KCNQ3: variants seen among roughly 807,000 people sequenced by gnomAD.
KCNQ3 encodes the protein potassium voltage-gated channel subfamily Q member 3.
A neutral mutation model predicts 92.5 loss-of-function variants in KCNQ3; 30 were observed. The observed-to-expected ratio is 0.32, with a 90% CI of 0.24 to 0.44. The LOEUF (loss-of-function observed/expected upper bound fraction) is 0.44, where lower values mean the gene tolerates loss of function less well. Ranked by LOEUF, KCNQ3 falls within the 20% of genes least tolerant of loss-of-function variation. KCNQ3 has a pLI of 1.00. For synonymous variants in KCNQ3, 450 were observed against 468.8 expected (o/e 0.96, Z 0.52); for missense variants, 913 against 1,140.3 (o/e 0.80, Z 2.87).
At chr8:132,212,752 G>A (rs62519646) in intron 1 of KCNQ3, among the ~76,000 whole-genome samples, 4,900 of 152,224 alleles carry the variant, frequency 0.032, 137 homozygotes, top group Non-Finnish European at 0.048. Context: ...CATCTTCCCC[G>A]CCTCACTCTG....
chr8:132,228,445 C>T (rs760846808), intron 1 of KCNQ3, among the ~76,000 whole-genome samples: 22 of 151,636 alleles, frequency 1.5e-4, no homozygotes, highest in African/African-American at 1.9e-4. Flanking sequence ...TACCTAATTG[C>T]GAAAGAAACA....
At chr8:132,157,032 C>T (rs554369918) in intron 9 of KCNQ3, among the ~76,000 whole-genome samples, 3 of 152,274 alleles carry the variant, frequency 2.0e-5, no homozygotes, top group African/African-American at 7.2e-5. Flanking sequence ...TTGGAGGGAG[C>T]ATGGGCAGGC....
intron 1 of KCNQ3, among the ~76,000 whole-genome samples, chr8:132,448,078 C>T (rs1042102169): frequency 3.3e-5 from 5 of 152,140 alleles, no homozygotes; most frequent in Non-Finnish European, 2.9e-5. Flanking sequence ...GCTCAATAAA[C>T]GTTCCTTCCT....
At chr8:132,464,179 C>T (rs182664980) in intron 1 of KCNQ3, among the ~76,000 whole-genome samples, 130 of 152,260 alleles carry the variant, frequency 8.5e-4, no homozygotes, top group Non-Finnish European at 1.5e-3. Flanking sequence ...TACTATACGC[C>T]CATAAGACTG....
intron 1 of KCNQ3, among the ~76,000 whole-genome samples, chr8:132,227,988 TAAAA>T (rs774939169): frequency 1.4e-5 from 2 of 146,218 alleles, no homozygotes; most frequent in African/African-American, 2.5e-5. Context: ...AAACAGAAGT[TAAAA>T]AAAAAAACCC....
At chr8:132,164,642 G>T (rs1197490671) in intron 8 of KCNQ3, among the ~76,000 whole-genome samples, 1 of 152,152 alleles carries the variant, frequency 6.6e-6, no homozygotes, top group Non-Finnish European at 1.5e-5. Context: ...AGAAAGCTGT[G>T]ACTCTCTAGG....
chr8:132,262,116 A>C (rs966966499), intron 1 of KCNQ3, among the ~76,000 whole-genome samples: 1 of 152,196 alleles, frequency 6.6e-6, no homozygotes, highest in Non-Finnish European at 1.5e-5. Flanking sequence ...CAAATGGACA[A>C]TTTCATCATA....
chr8:132,314,451 A>G (rs1817682361), intron 1 of KCNQ3, among the ~76,000 whole-genome samples: 3 of 152,332 alleles, frequency 2.0e-5, no homozygotes, highest in Middle Eastern at 3.4e-3. Context: ...GATTTTGGTG[A>G]AGACATGGGG....
chr8:132,280,844 G>A lies in KCNQ3; in HGVS notation c.387-94663C>T, dbSNP rs946368625. ...TTTGCGATGTAGTTGCATTTGTCAC[G>A]TAGTTGGCAGAGAACATGGTAGGAA... On this transcript the variant is annotated intron_variant, in intron 1 of 14. Coordinates refer to ENST00000388996, the MANE Select transcript of KCNQ3 (RefSeq NM_004519.4). Among the ~76,000 whole-genome samples the A allele has an allele frequency of 2.0e-5, 3 of 152,322 alleles. No homozygotes were observed. In the East Asian group the frequency reaches 5.8e-4, roughly 29 times the overall value.
intron 1 of KCNQ3, among the ~76,000 whole-genome samples, chr8:132,190,010 C>CATCA (rs1240022563): frequency 6.6e-6 from 1 of 151,554 alleles, no homozygotes. Flanking sequence ...CAATGCAAGC[C>CATCA]ATCAACCACA....
At chr8:132,353,201 G>A (rs1818924369) in intron 1 of KCNQ3, among the ~76,000 whole-genome samples, 1 of 151,652 alleles carries the variant, frequency 6.6e-6, no homozygotes, top group African/African-American at 2.4e-5. Flanking sequence ...ACTCCAGCCT[G>A]GGCAACAAGA....
chr8:132,451,486 A>G (rs1267384464), intron 1 of KCNQ3, among the ~76,000 whole-genome samples: 1 of 152,206 alleles, frequency 6.6e-6, no homozygotes, highest in Non-Finnish European at 1.5e-5. Context: ...CACACTGCAC[A>G]TTCTATTTGT....
rs976030741 is a variant in KCNQ3, at chr8:132,123,879, C to T, written c.*5383G>A. The T allele has an allele frequency of 6.6e-6, 1 of 152,198 alleles. No homozygotes were observed. The highest frequency in any genetic ancestry group is 1.5e-5 in the Non-Finnish European group (1 of 68,030). 9.4% of individuals were successfully genotyped at this position (152,198 alleles called of 1,614,324 possible). On this transcript the variant is annotated 3_prime_UTR_variant, in exon 15 of 15. Coordinates refer to ENST00000388996, the MANE Select transcript of KCNQ3 (RefSeq NM_004519.4). ...TTGCTGAGGTTAAAGCCGTGAAAGC[C>T]TGGGAACAAATCTCCCCAGGGAAGG...
At chr8:132,285,874 T>C (rs1212988054) in intron 1 of KCNQ3, among the ~76,000 whole-genome samples, 3 of 152,156 alleles carry the variant, frequency 2.0e-5, no homozygotes, top group African/African-American at 7.2e-5. Context: ...GGGACTCTGC[T>C]CCTTAAATTC....
chr8:132,315,340 G>A (rs1313745084), intron 1 of KCNQ3, among the ~76,000 whole-genome samples: 2 of 152,138 alleles, frequency 1.3e-5, no homozygotes, highest in Non-Finnish European at 2.9e-5. Flanking sequence ...AGAGGTCAGT[G>A]TGATAGTGAA....
intron 9 of KCNQ3, among the ~76,000 whole-genome samples, chr8:132,143,631 T>C (rs927838278): frequency 2.0e-5 from 3 of 152,182 alleles, no homozygotes; most frequent in African/African-American, 4.8e-5. Context: ...ATGCTTTTCA[T>C]AGATGTTTAA....
At chr8:132,168,532 T>A (rs988899578) in intron 8 of KCNQ3, among the ~76,000 whole-genome samples, 1 of 151,422 alleles carries the variant, frequency 6.6e-6, no homozygotes, top group Non-Finnish European at 1.5e-5. Context: ...AGATAGGAGG[T>A]GTGTGGCGGT....
rs1220761523 is a variant in KCNQ3, at chr8:132,121,188, C to T, written c.*8074G>A. On this transcript the variant is annotated 3_prime_UTR_variant, in exon 15 of 15. Transcript: ENST00000388996. ...TAAAAAGGGGTTAAAAAATACAATC[C>T]AAAATCAAATATAATGGATTCATGT... 2 of 152,202 alleles carry T rather than the reference C, an allele frequency of 1.3e-5. No homozygotes were observed. The highest frequency in any genetic ancestry group is 3.9e-4 in the East Asian group (2 of 5,180). 9.4% of individuals were successfully genotyped at this position (152,202 alleles called of 1,614,324 possible). A position where few individuals can be genotyped will look rare whatever the true frequency, so the allele number is the denominator to read the frequency against.
At chr8:132,429,484 A>G (rs1302961717) in intron 1 of KCNQ3, among the ~76,000 whole-genome samples, 2 of 152,214 alleles carry the variant, frequency 1.3e-5, no homozygotes, top group Admixed American at 1.3e-4. Context: ...TACATGCATT[A>G]TTCTCTTAAG....
Sources: gnomAD v4.1 joint callset for allele counts (sites outside exome capture counted in the v4.1 genomes callset) on GRCh38, gnomAD v4.1.1 for gene constraint, MANE v1.5 for transcripts, NCBI Gene and HGNC (gene_info 2026-07-23, HGNC 2026-07-21) for gene names.